Variants in CYP3A43 observed in about 807,000 individuals in gnomAD.
CYP3A43 encodes the protein cytochrome P450 family 3 subfamily A member 43.
Under a neutral mutation model 58.0 loss-of-function variants are expected in CYP3A43, and 45 were observed. The observed-to-expected ratio is 0.78, with a 90% CI of 0.61 to 0.99. The LOEUF (loss-of-function observed/expected upper bound fraction) is 0.99. CYP3A43 is among the 50% of genes least tolerant of loss of function. The pLI is 0.00. For missense variants in CYP3A43, 593 were observed against 591.9 expected, an observed-to-expected ratio of 1.00 and a Z score of -0.02; for synonymous variants, 191 against 201.4, an observed-to-expected ratio of 0.95 and a Z score of 0.44.
At chr7:99,836,569 CTT>C in intron 2 of CYP3A43, 23 bp downstream of exon 2, 1 of 1,531,102 alleles carries the variant, frequency 6.5e-7, no homozygotes, top group Non-Finnish European at 8.8e-7. Flanking sequence ...TGAGCTCCCT[CTT>C]TTGCTTCTTA....
At chr7:99,831,082 T>C (rs1816822927) in intron 1 of CYP3A43, among the ~76,000 whole-genome samples, 1 of 152,174 alleles carries the variant, frequency 6.6e-6, no homozygotes, top group South Asian at 2.1e-4. Flanking sequence ...TAATGGATTA[T>C]AAACAACTGG....
At position 99,863,602 on chromosome 7, in the gene CYP3A43, G is replaced by A. The variant is rs142155405; in HGVS notation, c.1319G>A (p.Arg440Gln). The A allele has an allele frequency of 1.4e-4, 231 of 1,614,038 alleles. 1 individual carries two copies. Among genetic ancestry groups the A allele is most frequent in the Middle Eastern group, 9.9e-4 (6 of 6,060 alleles). Residue 440 changes from arginine to glutamine, a missense_variant, in exon 12 of 13, where the codon CGA (arginine) becomes CAA (glutamine). Transcript: ENST00000354829. ...YRYIPFGAGP[R>Q]NCIGMRFALT... is the part of the protein sequence containing the mutation. ...TACATACCTTTTGGAGCTGGACCCC[G>A]AAACTGCATTGGCATGAGGTTTGCT...
intron 6 of CYP3A43, among the ~76,000 whole-genome samples, 186 bp downstream of exon 6, chr7:99,848,440 G>C (rs1817622075): frequency 6.6e-6 from 1 of 152,206 alleles, no homozygotes; most frequent in Non-Finnish European, 1.5e-5. Context: ...TGAGAGAAAA[G>C]GATCTTCTCC....
At chr7:99,828,217 A>G in intron 1 of CYP3A43, 31 bp downstream of exon 1, 4 of 1,540,110 alleles carry the variant, frequency 2.6e-6, no homozygotes, top group Non-Finnish European at 3.5e-6. Context: ...GTTTGCTCTT[A>G]ACTCTAAGAC....
At chr7:99,839,816 C>T (rs1817261857) in intron 3 of CYP3A43, among the ~76,000 whole-genome samples, 1 of 152,156 alleles carries the variant, frequency 6.6e-6, no homozygotes, top group Non-Finnish European at 1.5e-5. Flanking sequence ...ATTGGTTGGA[C>T]CAGGTGTGTC....
At chr7:99,831,490 C>T (rs969697209) in intron 1 of CYP3A43, among the ~76,000 whole-genome samples, 30 of 152,152 alleles carry the variant, frequency 2.0e-4, no homozygotes, top group African/African-American at 6.8e-4. Flanking sequence ...CCTAACTTAC[C>T]CTTATAGGGC....
At chr7:99,828,242 G>T in intron 1 of CYP3A43, 56 bp downstream of exon 1, 1 of 1,339,428 alleles carries the variant, frequency 7.5e-7, no homozygotes, top group Non-Finnish European at 1.0e-6. Flanking sequence ...AGTGCTAATT[G>T]GGCCCATCTT....
In CYP3A43 at chr7:99,861,631, G is replaced by A. The variant is rs752977243; in HGVS notation, c.1045G>A (p.Ala349Thr). The change falls in exon 11 of 13, where the codon GCC becomes ACC. Residue 349 changes from alanine to threonine, a missense_variant. Coordinates refer to ENST00000354829, the MANE Select transcript of CYP3A43 (RefSeq NM_057095.3). ...LPNKAPVTYD[A>T]LVQMEYLDMV... ...TTCCCAGGCACCTGTCACCTACGAT[G>A]CCCTGGTACAGATGGAGTACCTTGA... 4 of 1,613,958 alleles carry A rather than the reference G, an allele frequency of 2.5e-6. No individual in the cohort carries two copies. In the Admixed American group the frequency reaches 5.0e-5, roughly 20 times the overall value.
At chr7:99,863,393 G>A (rs975131184) in intron 11 of CYP3A43, 144 bp from the exon 12 acceptor site, 3 of 473,798 alleles carry the variant, frequency 6.3e-6, no homozygotes, top group Non-Finnish European at 7.1e-6. Context: ...CCGGCCAGGT[G>A]TGGTGGCTAA....
At chr7:99,834,612 C>T (rs986026524) in intron 1 of CYP3A43, among the ~76,000 whole-genome samples, 17 of 152,156 alleles carry the variant, frequency 1.1e-4, no homozygotes, top group South Asian at 8.3e-4. Flanking sequence ...ATGCCAAGTG[C>T]GGCTTAGAAT....
Position 99,847,538 on chromosome 7 carries a change from T to C in CYP3A43, c.369T>C (p.Asp123=), listed in dbSNP as rs374699872. Residue 123 remains aspartate, a synonymous_variant, in exon 5 of 13, where the codon GAT becomes GAC. Coordinates refer to ENST00000354829, the MANE Select transcript of CYP3A43 (RefSeq NM_057095.3). ...FLKSALSFAE[D]EEWKRIRTLL... Reference sequence around the variant, plus strand: ...AAAGTGCCTTAAGTTTTGCTGAAGATGAAGAATGGAAGAGAATACGAACAT... The same window carrying C: ...AAAGTGCCTTAAGTTTTGCTGAAGACGAAGAATGGAAGAGAATACGAACAT... The C allele has an allele frequency of 1.2e-5, 20 of 1,614,006 alleles. No homozygotes were observed. Among genetic ancestry groups the C allele is most frequent in the South Asian group, 4.4e-5 (4 of 91,076 alleles).
At chr7:99,832,642 T>A (rs565332740) in intron 1 of CYP3A43, among the ~76,000 whole-genome samples, 15 of 151,482 alleles carry the variant, frequency 9.9e-5, no homozygotes, top group Non-Finnish European at 4.4e-5. Context: ...TATACATATG[T>A]AACAAACCTG....
At chr7:99,846,900 C>A (rs1176380163) in intron 4 of CYP3A43, among the ~76,000 whole-genome samples, 1 of 152,122 alleles carries the variant, frequency 6.6e-6, no homozygotes, top group Admixed American at 6.5e-5. Context: ...AAATAGCATT[C>A]TTTTCTTTAT....
intron 4 of CYP3A43, among the ~76,000 whole-genome samples, chr7:99,845,121 T>C (rs1352535340): frequency 1.3e-5 from 2 of 152,042 alleles, no homozygotes; most frequent in Non-Finnish European, 2.9e-5. Context: ...AAGTTTATGA[T>C]ACATTTTGTG....
chr7:99,854,409 G>A (rs180979698), intron 7 of CYP3A43, among the ~76,000 whole-genome samples: 2 of 152,096 alleles, frequency 1.3e-5, no homozygotes, highest in East Asian at 3.9e-4. Context: ...GTTTTGCCAT[G>A]TTGGTCAGGC....
intron 12 of CYP3A43, among the ~76,000 whole-genome samples, chr7:99,865,301 G>C (rs751291685): frequency 6.7e-6 from 1 of 148,532 alleles, no homozygotes; most frequent in Non-Finnish European, 1.5e-5. Flanking sequence ...AGGGCTCAAA[G>C]TATTAGTCAA....
chr7:99,865,098 C>G (rs1160541525), intron 12 of CYP3A43, among the ~76,000 whole-genome samples: 1 of 148,382 alleles, frequency 6.7e-6, no homozygotes, highest in Non-Finnish European at 1.5e-5. Flanking sequence ...TGTGTACAGA[C>G]AGGGGCTCAA....
chr7:99,847,381 G>C, intron 4 of CYP3A43, 107 bp from the exon 5 acceptor site: 1 of 1,148,620 alleles, frequency 8.7e-7, no homozygotes, highest in East Asian at 2.4e-5. Flanking sequence ...CCAGTAGATA[G>C]TTACTAAATA....
At chr7:99,846,931 G>A (rs946945205) in intron 4 of CYP3A43, among the ~76,000 whole-genome samples, 1 of 152,108 alleles carries the variant, frequency 6.6e-6, no homozygotes, top group Non-Finnish European at 1.5e-5. Flanking sequence ...ATCCTGGGGG[G>A]AAAATAAAAG....
Sources: gnomAD v4.1 joint callset for allele counts (sites outside exome capture counted in the v4.1 genomes callset) on GRCh38, gnomAD v4.1.1 for gene constraint, MANE v1.5 for transcripts, NCBI Gene and HGNC (gene_info 2026-07-23, HGNC 2026-07-21) for gene names.